Variants in DLG5 observed in about 807,000 individuals in gnomAD.
DLG5 encodes discs large MAGUK scaffold protein 5, also known as disks large homolog 5.
Under a neutral mutation model 189.8 loss-of-function variants are expected in DLG5, and 48 were observed. The ratio of observed to expected loss-of-function variants is 0.25; its 90% CI spans 0.20 to 0.32. The LOEUF (loss-of-function observed/expected upper bound fraction) is 0.32. Among genes scored for constraint, DLG5 ranks in the 10% least tolerant of loss-of-function variants. The probability of loss-of-function intolerance (pLI) is 1.00; values close to 1 mark genes in which losing one functional copy is unlikely to be tolerated. For missense variants in DLG5, 2,160 were observed against 2,544.7 expected (o/e 0.85, Z 3.25); for synonymous variants, 1,016 against 1,054.1 (o/e 0.96, Z 0.70).
intron 1 of DLG5, chr10:77,869,608 A>C: frequency 4.6e-6 from 1 of 217,476 alleles, no homozygotes; most frequent in Non-Finnish European, 9.0e-6. Flanking sequence ...CAACTGAACT[A>C]TCTGTTCTTT....
chr10:77,817,326 C>A (rs1842109480), intron 18 of DLG5, among the ~76,000 whole-genome samples: 2 of 152,332 alleles, frequency 1.3e-5, no homozygotes, highest in South Asian at 4.1e-4. Context: ...AGTCTCACTT[C>A]CAGCCACGGA....
At chr10:77,816,866 C>T in intron 19 of DLG5, 141 bp downstream of exon 19, 2 of 1,336,688 alleles carry the variant, frequency 1.5e-6, no homozygotes, top group Non-Finnish European at 2.1e-6. Context: ...CCCCACACCA[C>T]CAGGCCTACT....
intron 1 of DLG5, among the ~76,000 whole-genome samples, chr10:77,871,978 T>C (rs983708593): frequency 6.6e-6 from 1 of 152,200 alleles, no homozygotes; most frequent in African/African-American, 2.4e-5. Context: ...CCCAACACAA[T>C]GCCTATTTTC....
At chr10:77,806,735 C>A (rs927505790) in intron 26 of DLG5, 23 bp downstream of exon 26, 2 of 1,589,008 alleles carry the variant, frequency 1.3e-6, no homozygotes, top group Non-Finnish European at 1.7e-6. Flanking sequence ...CCCCACCCCA[C>A]CCCAGGCCCG....
At chr10:77,812,581 G>A (rs1293343289) in intron 20 of DLG5, among the ~76,000 whole-genome samples, 2 of 152,148 alleles carry the variant, frequency 1.3e-5, no homozygotes, top group Non-Finnish European at 2.9e-5. Flanking sequence ...CACGCAACAC[G>A]AGCACAGCAC....
At chr10:77,861,344 A>G (rs1481546123) in intron 2 of DLG5, among the ~76,000 whole-genome samples, 1 of 152,228 alleles carries the variant, frequency 6.6e-6, no homozygotes, top group Non-Finnish European at 1.5e-5. Context: ...CACAACAGAA[A>G]AGCACCACCA....
chr10:77,799,564 A>G (rs895992610), intron 27 of DLG5, among the ~76,000 whole-genome samples: 2 of 152,172 alleles, frequency 1.3e-5, no homozygotes, highest in African/African-American at 4.8e-5. Context: ...CTGTGAGAAA[A>G]TGAATTCTTG....
intron 1 of DLG5, among the ~76,000 whole-genome samples, chr10:77,907,736 G>A (rs1846106995): frequency 6.6e-6 from 1 of 152,154 alleles, no homozygotes; most frequent in African/African-American, 2.4e-5. Context: ...GAGAGAGAAA[G>A]CAATTTGGCC....
chr10:77,819,229 C>T, intron 17 of DLG5, 92 bp downstream of exon 17: 1 of 1,587,664 alleles, frequency 6.3e-7, no homozygotes, highest in Non-Finnish European at 8.6e-7. Flanking sequence ...GGAAGCTTCT[C>T]CACCAATGAG....
At chr10:77,817,132 A>G (rs764035190) in intron 18 of DLG5, 36 bp from the exon 19 acceptor site, 18 of 1,570,938 alleles carry the variant, frequency 1.1e-5, no homozygotes, top group South Asian at 3.3e-5. Context: ...TTCAGGCCTC[A>G]TGGTTAAACA....
At chr10:77,792,693 C>T in intron 31 of DLG5, 150 bp from the exon 32 acceptor site, 1 of 681,722 alleles carries the variant, frequency 1.5e-6, no homozygotes, top group Middle Eastern at 3.5e-4. Flanking sequence ...CTCTCCTTCA[C>T]CAGCAAGAAA....
chr10:77,904,168 G>C (rs1288309372), intron 1 of DLG5, among the ~76,000 whole-genome samples: 3 of 152,088 alleles, frequency 2.0e-5, no homozygotes, highest in African/African-American at 7.2e-5. Context: ...CTTCAGCCTG[G>C]GCAACATGGC....
At chr10:77,861,777 A>G (rs934531661) in intron 2 of DLG5, among the ~76,000 whole-genome samples, 1 of 152,220 alleles carries the variant, frequency 6.6e-6, no homozygotes, top group Non-Finnish European at 1.5e-5. Flanking sequence ...GCCAAAGCCA[A>G]CACCTCAACC....
intron 2 of DLG5, among the ~76,000 whole-genome samples, chr10:77,859,584 C>T (rs1301668535): frequency 6.6e-6 from 1 of 152,220 alleles, no homozygotes; most frequent in Non-Finnish European, 1.5e-5. Context: ...CCATGCTGTA[C>T]AGGTTTGCAG....
At chr10:77,825,374 C>CCACACACA (rs59102694) in intron 13 of DLG5, among the ~76,000 whole-genome samples, 4,307 of 130,834 alleles carry the variant, frequency 0.033, 210 homozygotes, top group African/African-American at 0.098. Context: ...CCACACACAA[C>CCACACACA]CACACACACA....
intron 1 of DLG5, among the ~76,000 whole-genome samples, chr10:77,908,515 T>C (rs367985619): frequency 2.6e-5 from 4 of 152,118 alleles, no homozygotes; most frequent in East Asian, 1.9e-4. Context: ...CCTGGCCTCA[T>C]TTTTCCAGCA....
chr10:77,854,822 C>CAA (rs200667177), intron 3 of DLG5, among the ~76,000 whole-genome samples: 1 of 149,636 alleles, frequency 6.7e-6, no homozygotes, highest in African/African-American at 2.5e-5. Flanking sequence ...CCCGCCTCCA[C>CAA]AAAAAAAAAT....
chr10:77,910,864 G>A (rs1436431871), intron 1 of DLG5, among the ~76,000 whole-genome samples: 1 of 151,880 alleles, frequency 6.6e-6, no homozygotes, highest in Non-Finnish European at 1.5e-5. Flanking sequence ...CCCAGCTACT[G>A]GGGAGGCTGA....
At position 77,840,120 on chromosome 10, in the gene DLG5, G is replaced by A. The variant is rs751628285; in HGVS notation, c.1437+1761C>T. Reference sequence around the variant, plus strand: ...TGGCTGGGTGCAGGGGCTCACGCCTGTAATCCTAGCACTTTGGGAGGCTGA... The same window carrying A: ...TGGCTGGGTGCAGGGGCTCACGCCTATAATCCTAGCACTTTGGGAGGCTGA... On this transcript the variant is annotated intron_variant, in intron 7 of 31. Coordinates refer to ENST00000372391, the MANE Select transcript of DLG5 (RefSeq NM_004747.4). Among the ~76,000 whole-genome samples the A allele has an allele frequency of 2.0e-5, 3 of 152,324 alleles. No individual in the cohort carries two copies. In the South Asian group the frequency reaches 6.2e-4, roughly 32 times the overall value.
Sources: gnomAD v4.1 joint callset for allele counts (sites outside exome capture counted in the v4.1 genomes callset) on GRCh38, gnomAD v4.1.1 for gene constraint, MANE v1.5 for transcripts, NCBI Gene and HGNC (gene_info 2026-07-23, HGNC 2026-07-21) for gene names.